Variants in CLNK observed in about 807,000 individuals in gnomAD.
CLNK encodes the protein cytokine-dependent hematopoietic cell linker.
A neutral mutation model predicts 68.6 loss-of-function variants in CLNK; 74 were observed. The observed-to-expected ratio is 1.08, with a 90% CI of 0.89 to 1.31. The LOEUF (loss-of-function observed/expected upper bound fraction) is 1.31, where lower values mean the gene tolerates loss of function less well. Among genes scored for constraint, CLNK ranks in the 50% most tolerant of loss-of-function variants. The probability of loss-of-function intolerance (pLI) is 0.00; values close to 1 mark genes in which losing one functional copy is unlikely to be tolerated. For synonymous variants in CLNK, 198 were observed against 172.2 expected (o/e 1.15, Z -1.17); for missense variants, 553 against 515.3 (o/e 1.07, Z -0.71).
At chr4:10,586,664 T>C (rs1253100135) in intron 3 of CLNK, among the ~76,000 whole-genome samples, 1 of 152,156 alleles carries the variant, frequency 6.6e-6, no homozygotes, top group Non-Finnish European at 1.5e-5. Context: ...GGTCAAATAA[T>C]GTGAACACTC....
At chr4:10,541,229 A>C (rs1428726297) in intron 10 of CLNK, among the ~76,000 whole-genome samples, 1 of 151,802 alleles carries the variant, frequency 6.6e-6, no homozygotes, top group East Asian at 1.9e-4. Flanking sequence ...AAACAAAAAA[A>C]AAAAAACCCA....
chr4:10,645,972 G>A (rs1011375687), intron 2 of CLNK, among the ~76,000 whole-genome samples: 1 of 152,100 alleles, frequency 6.6e-6, no homozygotes, highest in Non-Finnish European at 1.5e-5. Flanking sequence ...AAAAAGGGCA[G>A]CTACAAAAAC....
intron 3 of CLNK, 113 bp from the exon 4 acceptor site, chr4:10,585,068 C>T: frequency 9.9e-7 from 1 of 1,014,664 alleles, no homozygotes; most frequent in Non-Finnish European, 1.5e-6. Context: ...GCCTCTGAAG[C>T]TGCTTTATGT....
At chr4:10,600,604 T>G (rs1368757723) in intron 2 of CLNK, among the ~76,000 whole-genome samples, 1 of 152,236 alleles carries the variant, frequency 6.6e-6, no homozygotes, top group Admixed American at 6.5e-5. Flanking sequence ...GGGCATCTTT[T>G]TCTCTCCTAG....
intron 2 of CLNK, among the ~76,000 whole-genome samples, chr4:10,604,162 T>A (rs1721699195): frequency 1.3e-5 from 2 of 152,206 alleles, no homozygotes; most frequent in South Asian, 4.1e-4. Flanking sequence ...CGTGATTATA[T>A]TTATTCTCTA....
At chr4:10,594,316 C>T (rs1158067378) in intron 3 of CLNK, among the ~76,000 whole-genome samples, 1 of 152,260 alleles carries the variant, frequency 6.6e-6, no homozygotes, top group Admixed American at 6.5e-5. Context: ...CTCCACCCCA[C>T]TCACTGTCAC....
In CLNK at chr4:10,596,701, T is replaced by C. The variant is rs1577155682; in HGVS notation, c.83+1277A>G. 3.9e-5 allele frequency among the ~76,000 whole-genome samples: 6 copies of C among 152,322 alleles called. No homozygotes were observed. The East Asian group carries it at 1.2e-3, about 29-fold the overall frequency. ...TTTTTTTTAAATTTAGGTTTATAAA[T>C]AGTTTGGAACAGGTTGCAAAAACAT... On this transcript the variant is annotated intron_variant, in intron 3 of 18. Coordinates refer to ENST00000226951, the MANE Select transcript of CLNK (RefSeq NM_052964.4).
At chr4:10,613,153 C>T (rs368950849) in intron 2 of CLNK, among the ~76,000 whole-genome samples, 1 of 152,042 alleles carries the variant, frequency 6.6e-6, no homozygotes, top group Admixed American at 6.5e-5. Flanking sequence ...ACAACAATAA[C>T]AGTAAACAGA....
At chr4:10,529,171 T>C (rs58344582) in intron 12 of CLNK, among the ~76,000 whole-genome samples, 9,860 of 152,318 alleles carry the variant, frequency 0.065, 597 homozygotes, top group African/African-American at 0.15. Flanking sequence ...AAAGAGATCA[T>C]TGAATGGCCT....
chr4:10,542,132 CA>C (rs1719056164), intron 9 of CLNK, 91 bp from the exon 10 acceptor site: 2 of 1,272,148 alleles, frequency 1.6e-6, no homozygotes, highest in Non-Finnish European at 2.2e-6. Flanking sequence ...ATAGAAATTA[CA>C]AATTGTGATC....
chr4:10,715,846 G>C, the CLNK span, among the ~76,000 whole-genome samples: 14 of 151,976 alleles, frequency 9.2e-5, no homozygotes, highest in South Asian at 6.2e-4. Context: ...AGAACATTAC[G>C]GGCAGGAATT....
intron 2 of CLNK, among the ~76,000 whole-genome samples, chr4:10,625,915 C>T (rs184404840): frequency 4.7e-4 from 71 of 152,338 alleles, no homozygotes; most frequent in Middle Eastern, 3.4e-3. Context: ...GGAAGGAAGC[C>T]AATGTGTTAT....
the CLNK span, among the ~76,000 whole-genome samples, chr4:10,722,940 C>T: frequency 6.6e-6 from 1 of 151,904 alleles, no homozygotes; most frequent in Non-Finnish European, 1.5e-5. Context: ...ATCCTAGATA[C>T]TTGGGAGGCT....
chr4:10,615,002 A>G (rs138929790), intron 2 of CLNK, among the ~76,000 whole-genome samples: 245 of 152,220 alleles, frequency 1.6e-3, no homozygotes, highest in Middle Eastern at 0.014. Context: ...CCTGGCCAAC[A>G]TAGCAAAACG....
chr4:10,516,922 G>T (rs932689482), intron 15 of CLNK, among the ~76,000 whole-genome samples: 2 of 152,116 alleles, frequency 1.3e-5, no homozygotes, highest in Non-Finnish European at 2.9e-5. Flanking sequence ...AATATTTGTT[G>T]CAGAAAACTG....
chr4:10,643,858 G>T (rs1332578826), intron 2 of CLNK, among the ~76,000 whole-genome samples: 1 of 152,190 alleles, frequency 6.6e-6, no homozygotes, highest in East Asian at 1.9e-4. Context: ...CTCTTAGATG[G>T]TTTATAACTG....
chr4:10,560,321 G>A (rs1719837660), intron 7 of CLNK, among the ~76,000 whole-genome samples: 1 of 152,330 alleles, frequency 6.6e-6, no homozygotes, highest in African/African-American at 2.4e-5. Context: ...TAGAAGGATG[G>A]GCAGTGGTTT....
chr4:10,511,730 G>A (rs1454907959), intron 16 of CLNK, among the ~76,000 whole-genome samples: 1 of 152,142 alleles, frequency 6.6e-6, no homozygotes, highest in Non-Finnish European at 1.5e-5. Context: ...TTCATTGTGT[G>A]TGTGTGTATA....
At chr4:10,638,428 T>C (rs1040958405) in intron 2 of CLNK, among the ~76,000 whole-genome samples, 3 of 152,230 alleles carry the variant, frequency 2.0e-5, no homozygotes, top group Non-Finnish European at 4.4e-5. Context: ...AAGGTGGCTT[T>C]GGCGAAAAGC....
Sources: gnomAD v4.1 joint callset for allele counts (sites outside exome capture counted in the v4.1 genomes callset) on GRCh38, gnomAD v4.1.1 for gene constraint, MANE v1.5 for transcripts, NCBI Gene and HGNC (gene_info 2026-07-23, HGNC 2026-07-21) for gene names.